The following PCBP3 variants were observed in gnomAD, a reference collection of about 807,000 sequenced individuals.
PCBP3 encodes poly(rC) binding protein 3.
A neutral mutation model predicts 52.7 loss-of-function variants in PCBP3; 25 were observed. The observed-to-expected ratio is 0.47, with a 90% CI of 0.35 to 0.66. PCBP3 has a LOEUF of 0.66. Ranked by LOEUF, PCBP3 falls within the 30% of genes least tolerant of loss-of-function variation. The pLI is 0.01. For synonymous variants in PCBP3, 162 were observed against 183.0 expected, an observed-to-expected ratio of 0.89 and a Z score of 0.93; for missense variants, 391 against 490.3, an observed-to-expected ratio of 0.80 and a Z score of 1.91.
intron 1 of PCBP3, among the ~76,000 whole-genome samples, chr21:45,650,268 G>T (rs1235839811): frequency 6.6e-6 from 1 of 152,104 alleles, no homozygotes; most frequent in Non-Finnish European, 1.5e-5. Flanking sequence ...AGGCTGGGAG[G>T]TTGAAGCTGC....
At chr21:45,907,504 T>C (rs907934441) in intron 9 of PCBP3, among the ~76,000 whole-genome samples, 2 of 152,246 alleles carry the variant, frequency 1.3e-5, no homozygotes, top group African/African-American at 4.8e-5. Context: ...TCTTTGTGCT[T>C]GTTCTAATCA....
chr21:45,729,566 C>G (rs573753066), intron 2 of PCBP3, among the ~76,000 whole-genome samples: 5 of 152,188 alleles, frequency 3.3e-5, no homozygotes, highest in Admixed American at 3.3e-4. Flanking sequence ...TTCTGTTAGA[C>G]TTTTTTGATT....
intron 5 of PCBP3, among the ~76,000 whole-genome samples, chr21:45,868,947 C>A (rs1215332459): frequency 6.6e-6 from 1 of 152,210 alleles, no homozygotes; most frequent in South Asian, 2.1e-4. Context: ...CACTTCTTCC[C>A]ATTGGAATTC....
At chr21:45,834,868 G>T (rs988025843) in intron 4 of PCBP3, among the ~76,000 whole-genome samples, 3 of 152,354 alleles carry the variant, frequency 2.0e-5, no homozygotes, top group Admixed American at 6.5e-5. Flanking sequence ...ACTTCTGAGC[G>T]CTGAGTGCAC....
intron 5 of PCBP3, among the ~76,000 whole-genome samples, chr21:45,860,531 T>C (rs2094470002): frequency 6.6e-6 from 1 of 152,258 alleles, no homozygotes; most frequent in Non-Finnish European, 1.5e-5. Context: ...AAGGGTTCCA[T>C]GGAGAAATGG....
At chr21:45,669,392 T>C (rs1033451901) in intron 2 of PCBP3, among the ~76,000 whole-genome samples, 2 of 152,254 alleles carry the variant, frequency 1.3e-5, no homozygotes. Context: ...ATTGTTTCTG[T>C]TTTTAACTAT....
At chr21:45,783,065 TA>T (rs2090765164) in intron 4 of PCBP3, among the ~76,000 whole-genome samples, 1 of 152,264 alleles carries the variant, frequency 6.6e-6, no homozygotes, top group South Asian at 2.1e-4. Context: ...TCAAAAGCTA[TA>T]CCAAGTTTTG....
chr21:45,739,694 C>T (rs1192349620), intron 3 of PCBP3, among the ~76,000 whole-genome samples: 1 of 149,222 alleles, frequency 6.7e-6, no homozygotes, highest in East Asian at 2.0e-4. Context: ...CTGGGTGGCC[C>T]CCCCATCTTC....
intron 4 of PCBP3, among the ~76,000 whole-genome samples, chr21:45,801,866 C>T (rs952856100): frequency 8.5e-5 from 13 of 152,166 alleles, no homozygotes; most frequent in African/African-American, 2.9e-4. Flanking sequence ...GAGATCCAAA[C>T]CCATATAATT....
chr21:45,668,056 TAAG>T (rs1282024120), intron 1 of PCBP3, among the ~76,000 whole-genome samples: 1 of 152,216 alleles, frequency 6.6e-6, no homozygotes, highest in African/African-American at 2.4e-5. Context: ...TACCAGTTTA[TAAG>T]TGCCTTAGCC....
chr21:45,742,314 A>G (rs1481532937), intron 3 of PCBP3, among the ~76,000 whole-genome samples: 1 of 152,232 alleles, frequency 6.6e-6, no homozygotes, highest in Non-Finnish European at 1.5e-5. Flanking sequence ...AGGCTGTACC[A>G]GAGTGCCTGT....
chr21:45,912,539 G>C (rs1267880635), intron 11 of PCBP3, among the ~76,000 whole-genome samples: 1 of 152,170 alleles, frequency 6.6e-6, no homozygotes, highest in Admixed American at 6.5e-5. Flanking sequence ...AGTCTGGGTG[G>C]GGCCTGCTGA....
At chr21:45,858,018 C>T (rs1449365068) in intron 5 of PCBP3, among the ~76,000 whole-genome samples, 1 of 152,238 alleles carries the variant, frequency 6.6e-6, no homozygotes, top group East Asian at 1.9e-4. Context: ...ACTGACCGTG[C>T]TCCTCAGACC....
rs2096147708 is a variant in PCBP3, at chr21:45,904,431, C to G, written c.339+3318C>G. Among the ~76,000 whole-genome samples the G allele has an allele frequency of 6.6e-6, 1 of 151,656 alleles. No individual in the cohort carries two copies. The highest frequency in any genetic ancestry group is 6.6e-5 in the Admixed American group (1 of 15,248). On this transcript the variant is annotated intron_variant, in intron 9 of 17. Transcript: ENST00000681687. The surrounding 1 kb of genome is among the most constrained non-coding windows in gnomAD (Gnocchi z 4.8). ...TGGTTTTTCCAGAAGACTGTGGATG[C>G]TCAGGAAGCTCGAGGGATTTGGAGT...
chr21:45,692,698 A>G (rs1335851219), intron 2 of PCBP3, among the ~76,000 whole-genome samples: 1 of 152,192 alleles, frequency 6.6e-6, no homozygotes, highest in African/African-American at 2.4e-5. Flanking sequence ...ATTCTACCAG[A>G]TGTTTTTAAA....
intron 5 of PCBP3, among the ~76,000 whole-genome samples, chr21:45,874,165 A>G (rs2095154531): frequency 6.6e-6 from 1 of 152,296 alleles, no homozygotes; most frequent in South Asian, 2.1e-4. Flanking sequence ...AATGAGCTAC[A>G]TTGCTGCAGC....
At chr21:45,930,155 C>T (rs1158221876) in intron 14 of PCBP3, among the ~76,000 whole-genome samples, 160 bp downstream of exon 14, 3 of 29,030 alleles carry the variant, frequency 1.0e-4, no homozygotes, top group East Asian at 7.9e-4. Context: ...GGGCTGGGGC[C>T]GGGGACAGGG....
At chr21:45,771,517 A>G (rs1569204669) in intron 4 of PCBP3, among the ~76,000 whole-genome samples, 1 of 152,242 alleles carries the variant, frequency 6.6e-6, no homozygotes, top group East Asian at 1.9e-4. Flanking sequence ...AACGAAAAAC[A>G]GTATCATTTT....
intron 6 of PCBP3, among the ~76,000 whole-genome samples, chr21:45,897,049 A>G (rs2095852783): frequency 6.6e-6 from 1 of 151,098 alleles, no homozygotes; most frequent in African/African-American, 2.4e-5. Context: ...GGAAAGGCGG[A>G]CATGGCACGC....
Sources: allele counts gnomAD v4.1 joint callset (sites outside exome capture counted in the v4.1 genomes callset), GRCh38; gene constraint gnomAD v4.1.1; non-coding constraint Gnocchi (gnomAD v3.1); transcripts MANE v1.5; gene names NCBI Gene and HGNC (gene_info 2026-07-23, HGNC 2026-07-21).